LSG1: variants seen among roughly 807,000 people sequenced by gnomAD.
The protein encoded by LSG1 is large 60S subunit nuclear export GTPase 1.
LSG1 carries 55 observed loss-of-function variants against 82.6 expected under a neutral mutation model. That is an observed-to-expected ratio of 0.67 (90% CI 0.54 to 0.83). The LOEUF is 0.83. Among genes scored for constraint, LSG1 ranks in the 40% least tolerant of loss-of-function variants. The probability of loss-of-function intolerance (pLI) is 0.00; values close to 1 mark genes in which losing one functional copy is unlikely to be tolerated. For synonymous variants in LSG1, 272 were observed against 282.5 expected (o/e 0.96, Z 0.37); for missense variants, 809 against 807.9 (o/e 1.00, Z -0.02).
intron 11 of LSG1, among the ~76,000 whole-genome samples, chr3:194,647,157 A>G (rs1454520406): frequency 6.6e-6 from 1 of 152,244 alleles, no homozygotes; most frequent in African/African-American, 2.4e-5. Flanking sequence ...CTAAATGTTA[A>G]AAAAGTAAGT....
At chr3:194,652,598 A>C in intron 8 of LSG1, 131 bp downstream of exon 8, 1 of 944,678 alleles carries the variant, frequency 1.1e-6, no homozygotes. Context: ...CCGTGATGCC[A>C]GTGGGCAACA....
intron 11 of LSG1, among the ~76,000 whole-genome samples, chr3:194,647,353 A>C (rs1382311778): frequency 1.3e-5 from 2 of 152,246 alleles, no homozygotes; most frequent in Non-Finnish European, 2.9e-5. Context: ...GAACTTTTAC[A>C]AATCATTAAG....
At chr3:194,653,492 G>A (rs9814710) in intron 7 of LSG1, among the ~76,000 whole-genome samples, 100,914 of 150,048 alleles carry the variant, frequency 0.67, 35,878 homozygotes, top group East Asian at 0.87. Flanking sequence ...TCCAGTCTGG[G>A]CAACAGACAA....
intron 7 of LSG1, among the ~76,000 whole-genome samples, chr3:194,655,910 C>T (rs1718780300): frequency 6.6e-6 from 1 of 152,144 alleles, no homozygotes; most frequent in African/African-American, 2.4e-5. Flanking sequence ...AAAGGATTCC[C>T]TATTTAATAT....
At chr3:194,657,330 A>G (rs957389742) in intron 7 of LSG1, among the ~76,000 whole-genome samples, 3 of 152,058 alleles carry the variant, frequency 2.0e-5, no homozygotes, top group Non-Finnish European at 4.4e-5. Context: ...CTAACTGCAC[A>G]CTCTAAAATG....
At chr3:194,667,698 C>T (rs1380013772) in intron 2 of LSG1, among the ~76,000 whole-genome samples, 9 of 151,368 alleles carry the variant, frequency 5.9e-5, no homozygotes, top group East Asian at 2.0e-4. Flanking sequence ...GCAAGGTGGG[C>T]GGATCACAAG....
chr3:194,669,558 G>A (rs1027971181), intron 2 of LSG1, among the ~76,000 whole-genome samples: 4 of 152,184 alleles, frequency 2.6e-5, no homozygotes, highest in African/African-American at 9.6e-5. Flanking sequence ...AAAGTTGGCT[G>A]CTGCTTCACA....
chr3:194,665,552 T>G lies in LSG1; in HGVS notation c.521+5A>C. 1 of 1,600,262 alleles carries G rather than the reference T, an allele frequency of 6.2e-7. No individual in the cohort carries two copies. Among genetic ancestry groups the G allele is most frequent in the African/African-American group, 1.3e-5 (1 of 74,320 alleles). ...TTTATTACACAAAAGAAAATGATAA[T>G]TCACCTTCTCTCAATGACTCTCCAG... On this transcript the variant is annotated splice_donor_5th_base_variant and intron_variant, in intron 5 of 13. Coordinates refer to ENST00000265245, the MANE Select transcript of LSG1 (RefSeq NM_018385.3).
chr3:194,664,233 G>T (rs907125828), intron 5 of LSG1, among the ~76,000 whole-genome samples: 1 of 152,152 alleles, frequency 6.6e-6, no homozygotes, highest in African/African-American at 2.4e-5. Context: ...GATCACAGGT[G>T]TGAGCCACCG....
chr3:194,645,714 A>T (rs1236951145), intron 12 of LSG1, among the ~76,000 whole-genome samples: 2 of 152,138 alleles, frequency 1.3e-5, no homozygotes, highest in Non-Finnish European at 2.9e-5. Context: ...GCATGTTCTC[A>T]TTTGAAAAGG....
chr3:194,643,705 CAA>C (rs1458667754), intron 13 of LSG1, among the ~76,000 whole-genome samples: 7 of 152,266 alleles, frequency 4.6e-5, no homozygotes, highest in African/African-American at 1.2e-4. Flanking sequence ...GGTATATACT[CAA>C]GAGAGACGAA....
At chr3:194,668,257 G>A (rs1719073511) in intron 2 of LSG1, among the ~76,000 whole-genome samples, 1 of 152,030 alleles carries the variant, frequency 6.6e-6, no homozygotes, top group Admixed American at 6.6e-5. Flanking sequence ...ACATATTTTT[G>A]TGTAGACATG....
chr3:194,641,352 C>T lies in LSG1; in HGVS notation c.*716G>A, dbSNP rs1216589324. On this transcript the variant is annotated 3_prime_UTR_variant, in exon 14 of 14. Transcript: ENST00000265245. The stretch of plus-strand genomic sequence containing the variant: ...CCATCCCGAAGCAACCACTAATCTA[C>T]TTCCTCTATATGGAGATTTGCTTAT... The T allele has an allele frequency of 6.6e-6, 1 of 152,222 alleles. No individual in the cohort carries two copies. Among genetic ancestry groups the T allele is most frequent in the Non-Finnish European group, 1.5e-5 (1 of 68,044 alleles). The allele number at this position is 152,222 out of a possible 1,614,324, so 9.4% of individuals were successfully genotyped here. A position where few individuals can be genotyped will look rare whatever the true frequency, so the allele number is the denominator to read the frequency against.
At chr3:194,672,004 G>C (rs1719148154) in intron 1 of LSG1, 60 bp downstream of exon 1, 1 of 1,509,798 alleles carries the variant, frequency 6.6e-7, no homozygotes, top group Non-Finnish European at 9.2e-7. Flanking sequence ...TTTTGACCCC[G>C]AATTTTGCAG....
intron 12 of LSG1, among the ~76,000 whole-genome samples, chr3:194,645,571 GACAGACACACACACACACACACACAC>G (rs1718525292): frequency 4.8e-5 from 2 of 41,318 alleles, no homozygotes; most frequent in African/African-American, 1.9e-4. Context: ...CACACACACA[GACAGACACACACACACACACACACAC>G]ACACACACAC....
rs1207394026 is a variant in LSG1, at chr3:194,646,201, G to A, written c.1586C>T (p.Pro529Leu). 6.2e-7 allele frequency: 1 copy of A among 1,614,022 alleles called. No individual in the cohort carries two copies. Among genetic ancestry groups the A allele is most frequent in the Non-Finnish European group, 8.5e-7 (1 of 1,179,988 alleles). The change falls in exon 12 of 14, where the codon CCT becomes CTT. Residue 529 changes from proline to leucine, a missense_variant. Coordinates refer to ENST00000265245, the MANE Select transcript of LSG1 (RefSeq NM_018385.3). ...CTTCAGGATGTAGCGCGCAGATCGA[G>A]GCTGGTCTGGCTGTCCATGCGCTGT... ...FMTAHGQPDQ[P>L]RSARYILKDY...
rs529360810 is a variant in LSG1 at position 194,641,952 on chromosome 3, C to T, written c.*116G>A. ...GACTGTTGGGTGCAGCCGTGCTCTG[C>T]AAGAGCAGGGCCCGTTCTACAGTGC... On this transcript the variant is annotated 3_prime_UTR_variant, in exon 14 of 14. Coordinates refer to ENST00000265245, the MANE Select transcript of LSG1 (RefSeq NM_018385.3). The T allele has an allele frequency of 3.1e-5, 35 of 1,142,804 alleles. 1 individual carries two copies. In the South Asian group the frequency reaches 4.4e-4, roughly 14 times the overall value. The allele number at this position is 1,142,804 out of a possible 1,614,324, so 70.8% of individuals were successfully genotyped here.
chr3:194,644,879 C>A, intron 12 of LSG1, 133 bp from the exon 13 acceptor site: 1 of 586,018 alleles, frequency 1.7e-6, no homozygotes, highest in Non-Finnish European at 2.7e-6. Flanking sequence ...GAGTTTTGGT[C>A]TACTGCAGCT....
At chr3:194,666,699 T>G (rs1719037384) in intron 2 of LSG1, 127 bp from the exon 3 acceptor site, 1 of 723,838 alleles carries the variant, frequency 1.4e-6, no homozygotes, top group African/African-American at 1.8e-5. Flanking sequence ...TGATTTAGAT[T>G]CTTCTAGCCT....
Sources: gnomAD v4.1 joint callset for allele counts (sites outside exome capture counted in the v4.1 genomes callset) on GRCh38, gnomAD v4.1.1 for gene constraint, MANE v1.5 for transcripts, NCBI Gene and HGNC (gene_info 2026-07-23, HGNC 2026-07-21) for gene names.